The following CPQ variants were observed in gnomAD, a reference collection of about 807,000 sequenced individuals.
The protein encoded by CPQ is carboxypeptidase Q, also known as Ser-Met dipeptidase.
CPQ carries 37 observed loss-of-function variants against 45.7 expected under a neutral mutation model. The observed-to-expected ratio is 0.81, with a 90% confidence interval of 0.62 to 1.07. The LOEUF is 1.07. Ranked by LOEUF, CPQ falls within the 50% of genes least tolerant of loss-of-function variation. CPQ has a pLI of 0.00. For missense variants in CPQ, 537 were observed against 572.9 expected (o/e 0.94, Z 0.64); for synonymous variants, 186 against 205.8 (o/e 0.90, Z 0.82).
chr8:97,083,475 T>G (rs1285714710), intron 7 of CPQ, among the ~76,000 whole-genome samples: 2 of 152,160 alleles, frequency 1.3e-5, no homozygotes, highest in Non-Finnish European at 1.5e-5. Flanking sequence ...ACTATACTGG[T>G]TCAGTGTCCT....
intron 4 of CPQ, among the ~76,000 whole-genome samples, chr8:96,900,851 C>A (rs1303902204): frequency 6.6e-6 from 1 of 152,160 alleles, no homozygotes; most frequent in African/African-American, 2.4e-5. Context: ...TTTCAGATAA[C>A]ATTTTCTTTC....
At chr8:96,685,136 C>CAACAAAACAACAAAAAACA (rs139480355) in intron 1 of CPQ, among the ~76,000 whole-genome samples, 2 of 149,814 alleles carry the variant, frequency 1.3e-5, no homozygotes, top group African/African-American at 4.9e-5. Context: ...AAACAAAAAA[C>CAACAAAACAACAAAAAACA]AAAAAACAGA....
intron 2 of CPQ, among the ~76,000 whole-genome samples, chr8:96,799,124 G>A (rs1188160143): frequency 1.3e-5 from 2 of 152,234 alleles, no homozygotes; most frequent in African/African-American, 4.8e-5. Context: ...AGTGAAAGCA[G>A]ATGAGAAAGA....
At chr8:96,858,766 AATATAG>A (rs1437656584) in intron 3 of CPQ, among the ~76,000 whole-genome samples, 8 of 152,240 alleles carry the variant, frequency 5.3e-5, no homozygotes, top group Admixed American at 5.2e-4. Flanking sequence ...AGATTTGAAT[AATATAG>A]ATAAATGTTT....
intron 4 of CPQ, among the ~76,000 whole-genome samples, chr8:96,898,154 T>C (rs1418873023): frequency 6.6e-6 from 1 of 152,124 alleles, no homozygotes; most frequent in African/African-American, 2.4e-5. Flanking sequence ...ACTGGAATCT[T>C]GAGGAAGACA....
chr8:96,895,446 T>A (rs1343108562), intron 4 of CPQ, among the ~76,000 whole-genome samples: 2 of 152,194 alleles, frequency 1.3e-5, no homozygotes, highest in East Asian at 3.8e-4. Context: ...TGTATTTAAG[T>A]TATTCTAACA....
At chr8:97,093,251 G>A (rs1811154310) in intron 7 of CPQ, among the ~76,000 whole-genome samples, 1 of 152,152 alleles carries the variant, frequency 6.6e-6, no homozygotes, top group Non-Finnish European at 1.5e-5. Flanking sequence ...ACTGTGGAAA[G>A]TACTTTTGGA....
At chr8:96,693,466 A>G (rs1293199933) in intron 1 of CPQ, among the ~76,000 whole-genome samples, 1 of 152,000 alleles carries the variant, frequency 6.6e-6, no homozygotes, top group African/African-American at 2.4e-5. Flanking sequence ...TAAAAGCAAG[A>G]AAAAAGAAAC....
At chr8:96,650,539 T>C (rs902026545) in intron 1 of CPQ, among the ~76,000 whole-genome samples, 3 of 152,228 alleles carry the variant, frequency 2.0e-5, no homozygotes, top group Non-Finnish European at 1.5e-5. Context: ...CTCAGACGGC[T>C]CAGATCCCAT....
At chr8:96,972,911 T>A (rs1209544269) in intron 5 of CPQ, among the ~76,000 whole-genome samples, 1 of 152,150 alleles carries the variant, frequency 6.6e-6, no homozygotes, top group South Asian at 2.1e-4. Flanking sequence ...ACCTTCCCTC[T>A]GACCTAGTCT....
rs553626265 is a variant in CPQ at position 96,647,171 on chromosome 8, A to T, written c.-35+1769A>T. On this transcript the variant is annotated intron_variant, in intron 1 of 7. Coordinates refer to ENST00000220763, the MANE Select transcript of CPQ (RefSeq NM_016134.4). ...AAAAGTCATTATACATACATATTTA[A>T]ATATTTTTGCATGCTACATTTAACA... Among the ~76,000 whole-genome samples, 13 of 152,306 alleles carry T rather than the reference A, an allele frequency of 8.5e-5. No homozygotes were observed. The East Asian group carries it at 2.5e-3, about 29-fold the overall frequency.
At chr8:96,870,862 G>A (rs77828947) in intron 3 of CPQ, among the ~76,000 whole-genome samples, 10,265 of 151,926 alleles carry the variant, frequency 0.068, 502 homozygotes, top group East Asian at 0.18. Context: ...AATCTGTGGC[G>A]TTGAGGGATC....
At chr8:96,908,109 T>TGC (rs1298106343) in intron 4 of CPQ, among the ~76,000 whole-genome samples, 1 of 25,262 alleles carries the variant, frequency 4.0e-5, no homozygotes, top group African/African-American at 2.5e-4. Flanking sequence ...CACTGCAACG[T>TGC]GTGTGTGTGT....
intron 3 of CPQ, among the ~76,000 whole-genome samples, chr8:96,859,002 G>A (rs750447973): frequency 4.6e-5 from 7 of 152,200 alleles, no homozygotes; most frequent in Non-Finnish European, 8.8e-5. Flanking sequence ...TCTCTTGAGT[G>A]TCATTCATGT....
chr8:96,701,564 A>G (rs927834927), intron 1 of CPQ, among the ~76,000 whole-genome samples: 3 of 151,668 alleles, frequency 2.0e-5, no homozygotes, highest in Non-Finnish European at 2.9e-5. Flanking sequence ...CTGGAAGCGC[A>G]TACTAGAAAA....
intron 1 of CPQ, among the ~76,000 whole-genome samples, chr8:96,773,746 C>T (rs928012837): frequency 3.9e-5 from 6 of 152,152 alleles, no homozygotes; most frequent in South Asian, 2.1e-4. Context: ...CACCAGCATT[C>T]GGTGTCTGAT....
chr8:96,800,463 T>A (rs888424349), intron 2 of CPQ, among the ~76,000 whole-genome samples: 4 of 152,194 alleles, frequency 2.6e-5, no homozygotes, highest in African/African-American at 9.6e-5. Flanking sequence ...TATGACCCAG[T>A]AATTCACTTT....
chr8:96,649,429 A>G (rs1363391686), intron 1 of CPQ, among the ~76,000 whole-genome samples: 1 of 152,252 alleles, frequency 6.6e-6, no homozygotes, highest in Admixed American at 6.5e-5. Context: ...CATAGGTCTA[A>G]TGAAATAGGA....
At chr8:96,716,832 G>A (rs957472574) in intron 1 of CPQ, among the ~76,000 whole-genome samples, 4 of 151,566 alleles carry the variant, frequency 2.6e-5, no homozygotes, top group African/African-American at 9.7e-5. Flanking sequence ...GCTTGAACCT[G>A]GGAGGCAGAA....
Sources: gnomAD v4.1 joint callset for allele counts (sites outside exome capture counted in the v4.1 genomes callset) on GRCh38, gnomAD v4.1.1 for gene constraint, MANE v1.5 for transcripts, NCBI Gene and HGNC (gene_info 2026-07-23, HGNC 2026-07-21) for gene names.